The following STN1 variants were observed in gnomAD, a reference collection of about 807,000 sequenced individuals.
The protein encoded by STN1 is STN1 subunit of CST complex.
In STN1, 29 loss-of-function variants were observed where a neutral mutation model predicts 45.5. The observed-to-expected ratio is 0.64, with a 90% CI of 0.47 to 0.87. The LOEUF (loss-of-function observed/expected upper bound fraction) is 0.87, where lower values mean the gene tolerates loss of function less well. STN1 is among the 40% of genes least tolerant of loss of function. The pLI, the probability that STN1 is intolerant of heterozygous loss-of-function variation, is 0.00. For synonymous variants in STN1, 148 were observed against 159.0 expected (o/e 0.93, Z 0.52); for missense variants, 376 against 441.4 (o/e 0.85, Z 1.33).
chr10:103,898,750 C>T (rs921583573), intron 6 of STN1, 127 bp downstream of exon 6: 28 of 1,059,560 alleles, frequency 2.6e-5, no homozygotes, highest in Non-Finnish European at 3.6e-5. Context: ...AGAGGGCTTG[C>T]CCAGAGCCCC....
chr10:103,904,351 C>G (rs1161401310), intron 4 of STN1, among the ~76,000 whole-genome samples: 3 of 151,818 alleles, frequency 2.0e-5, no homozygotes, highest in African/African-American at 7.3e-5. Flanking sequence ...TGTGGTGGCT[C>G]AAGCCTGTAA....
At chr10:103,892,047 A>C in intron 8 of STN1, 83 bp downstream of exon 8, 1 of 1,147,350 alleles carries the variant, frequency 8.7e-7, no homozygotes, top group Middle Eastern at 3.0e-4. Context: ...ATTTTTAAGA[A>C]TAATTAAGTG....
intron 7 of STN1, among the ~76,000 whole-genome samples, chr10:103,896,668 G>T (rs552896322): frequency 6.6e-6 from 1 of 151,668 alleles, no homozygotes; most frequent in Non-Finnish European, 1.5e-5. Flanking sequence ...GTGACAGTCA[G>T]GGGTCAGGGT....
At chr10:103,897,741 G>C in intron 6 of STN1, 22 bp from the exon 7 acceptor site, 4 of 1,610,052 alleles carry the variant, frequency 2.5e-6, no homozygotes, top group Non-Finnish European at 3.4e-6. Flanking sequence ...AAGTTTTAAA[G>C]AGCTCTGCAG....
chr10:103,892,522 A>G (rs1056005791), intron 7 of STN1, among the ~76,000 whole-genome samples: 2 of 152,072 alleles, frequency 1.3e-5, no homozygotes, highest in East Asian at 1.9e-4. Flanking sequence ...TGCAGAATAA[A>G]AAAAGCTACC....
intron 3 of STN1, among the ~76,000 whole-genome samples, chr10:103,907,962 C>G (rs1843253094): frequency 6.6e-6 from 1 of 152,004 alleles, no homozygotes; most frequent in Non-Finnish European, 1.5e-5. Context: ...AACTACAACT[C>G]TACTAAAAAT....
intron 4 of STN1, among the ~76,000 whole-genome samples, chr10:103,904,451 A>T (rs199932799): frequency 1.5e-5 from 2 of 136,690 alleles, no homozygotes; most frequent in Non-Finnish European, 3.2e-5. Context: ...ACCTAACTTT[A>T]AAAAAAAAAA....
chr10:103,885,417 G>T (rs1843097107), intron 9 of STN1, among the ~76,000 whole-genome samples: 1 of 152,146 alleles, frequency 6.6e-6, no homozygotes, highest in South Asian at 2.1e-4. Context: ...TGACTTACAG[G>T]CATCCATGGG....
rs1369213761 is a variant in STN1 at position 103,910,552 on chromosome 10, T to C, written c.204A>G (p.Glu68=). Residue 68 remains glutamate, a synonymous_variant, in exon 3 of 10, where the codon GAA becomes GAG. Coordinates refer to ENST00000224950, the MANE Select transcript of STN1 (RefSeq NM_024928.5). The part of the protein sequence containing the change: ...DVLGTVIGVR[E]RDAFYSYGVD... ...CTCCATAACTGTAGAAAGCATCTCTTTCTCTCACTCCAATGACAGTTCCCA... is the reference window on the plus strand; with the variant it reads ...CTCCATAACTGTAGAAAGCATCTCTCTCTCTCACTCCAATGACAGTTCCCA... 6.2e-7 allele frequency: 1 copy of C among 1,607,716 alleles called. No homozygotes were observed. Among genetic ancestry groups the C allele is most frequent in the South Asian group, 1.1e-5 (1 of 90,908 alleles).
intron 7 of STN1, 104 bp downstream of exon 7, chr10:103,897,444 G>T: frequency 9.8e-7 from 1 of 1,019,150 alleles, no homozygotes; most frequent in Non-Finnish European, 1.5e-6. Flanking sequence ...CCGTTCCCTG[G>T]GTCAACTCTG....
At chr10:103,892,510 A>C (rs1257127025) in intron 7 of STN1, among the ~76,000 whole-genome samples, 1 of 151,716 alleles carries the variant, frequency 6.6e-6, no homozygotes, top group Non-Finnish European at 1.5e-5. Flanking sequence ...AACACTCCAT[A>C]GTGCAGAATA....
At chr10:103,917,741 C>T in intron 1 of STN1, 85 bp from the exon 2 acceptor site, 2 of 772,798 alleles carry the variant, frequency 2.6e-6, no homozygotes, top group Non-Finnish European at 4.1e-6. Flanking sequence ...AGGTGGGCGT[C>T]CAGGACTCCA....
At chr10:103,893,070 A>C (rs959523827) in intron 7 of STN1, among the ~76,000 whole-genome samples, 3 of 152,218 alleles carry the variant, frequency 2.0e-5, no homozygotes, top group Non-Finnish European at 4.4e-5. Context: ...AATGGAAACA[A>C]ATACACATTA....
intron 7 of STN1, among the ~76,000 whole-genome samples, chr10:103,896,212 A>C (rs562435824): frequency 6.6e-6 from 1 of 152,346 alleles, no homozygotes; most frequent in East Asian, 1.9e-4. Flanking sequence ...AACCTGCTTT[A>C]TGCCAGCCCC....
chr10:103,896,314 A>G (rs993325618), intron 7 of STN1, among the ~76,000 whole-genome samples: 4 of 152,140 alleles, frequency 2.6e-5, no homozygotes, highest in Non-Finnish European at 5.9e-5. Flanking sequence ...AGGCAAGCAA[A>G]CAAATAAAGA....
rs1457120831 is a variant in STN1 at position 103,905,105 on chromosome 10, G to C, written c.281C>G (p.Thr94Ser). The C allele has an allele frequency of 1.2e-6, 2 of 1,613,696 alleles. No individual in the cohort carries two copies. Among genetic ancestry groups the C allele is most frequent in the Non-Finnish European group, 1.7e-6 (2 of 1,179,724 alleles). The change falls in exon 4 of 10, where the codon ACT becomes AGT. Residue 94 changes from threonine (T) to serine (S), a missense_variant. By Grantham distance (58) the Thr-to-Ser change is moderately conservative. Transcript: ENST00000224950. Reference protein sequence around the residue: ...INCICWKKLNTESVSAAPSAA... With the variant: ...INCICWKKLNSESVSAAPSAA... ...AATAAAATTACCTGATACAGACTCAGTATTCAACTTTTTCCAGCAGATGCA... is the reference window on the plus strand; with the variant it reads ...AATAAAATTACCTGATACAGACTCACTATTCAACTTTTTCCAGCAGATGCA...
At chr10:103,896,486 A>C (rs1232442151) in intron 7 of STN1, among the ~76,000 whole-genome samples, 1 of 152,116 alleles carries the variant, frequency 6.6e-6, no homozygotes, top group Non-Finnish European at 1.5e-5. Context: ...ACAACAACAA[A>C]CCTAAGAACT....
Position 103,917,446 on chromosome 10 carries a change from G to A in STN1, c.133+16C>T. 3.7e-6 allele frequency: 6 copies of A among 1,610,986 alleles called. No homozygotes were observed. Among genetic ancestry groups the A allele is most frequent in the Non-Finnish European group, 5.1e-6 (6 of 1,178,390 alleles). On this transcript the variant is annotated intron_variant, in intron 2 of 9. Transcript: ENST00000224950. ...CAGATGCAGCCCAGGGCATCCCAGG[G>A]TGGCTAGCCACATACCTGGCACCTG...
chr10:103,910,374 T>C (rs754687794), intron 3 of STN1, among the ~76,000 whole-genome samples, 153 bp downstream of exon 3: 2 of 151,008 alleles, frequency 1.3e-5, no homozygotes, highest in South Asian at 2.1e-4. Context: ...TTAGCCCGTG[T>C]CTGGGGCTAT....
Sources: gnomAD v4.1 joint callset for allele counts (sites outside exome capture counted in the v4.1 genomes callset) on GRCh38, gnomAD v4.1.1 for gene constraint, MANE v1.5 for transcripts, NCBI Gene and HGNC (gene_info 2026-07-23, HGNC 2026-07-21) for gene names.